The following JAKMIP1 variants were observed in gnomAD, a reference collection of about 807,000 sequenced individuals.
JAKMIP1 encodes janus kinase and microtubule interacting protein 1, also known as janus kinase and microtubule-interacting protein 1.
A neutral mutation model predicts 113.0 loss-of-function variants in JAKMIP1; 33 were observed. The ratio of observed to expected loss-of-function variants is 0.29; its 90% CI spans 0.22 to 0.39. The LOEUF is 0.39. Among genes scored for constraint, JAKMIP1 ranks in the 10% least tolerant of loss-of-function variants. The pLI is 1.00. For missense variants in JAKMIP1, 813 were observed against 1,080.5 expected (o/e 0.75, Z 3.47); for synonymous variants, 480 against 459.9 (o/e 1.04, Z -0.56).
rs560201908 is a variant in JAKMIP1 at position 6,085,318 on chromosome 4, G to C, written c.834+102C>G. On this transcript the variant is annotated intron_variant, in intron 4 of 20. Coordinates refer to ENST00000409021, the MANE Select transcript of JAKMIP1 (RefSeq NM_001099433.2). ...CAATACTGAGTGAATGAATGAATGAGTGAATACATGCCACCTCAGAGTCCT... is the reference window on the plus strand; with the variant it reads ...CAATACTGAGTGAATGAATGAATGACTGAATACATGCCACCTCAGAGTCCT... The C allele has an allele frequency of 9.0e-5, 88 of 974,096 alleles. No individual in the cohort carries two copies. The African/African-American group carries it at 1.3e-3, about 14-fold the overall frequency. The allele number at this position is 974,096 out of a possible 1,614,324, so 60.3% of individuals were successfully genotyped here.
chr4:6,191,559 A>C (rs1241837798), intron 1 of JAKMIP1, among the ~76,000 whole-genome samples: 1 of 152,224 alleles, frequency 6.6e-6, no homozygotes, highest in Non-Finnish European at 1.5e-5. Flanking sequence ...TCTTGTTTAC[A>C]GAGGAGGAAA....
chr4:6,045,495 A>G (rs1424911921), intron 16 of JAKMIP1, among the ~76,000 whole-genome samples: 1 of 152,174 alleles, frequency 6.6e-6, no homozygotes, highest in African/African-American at 2.4e-5. Flanking sequence ...GCATGTGCCC[A>G]GGGCAAGATG....
In JAKMIP1 at chr4:6,166,765, G is replaced by A. The variant is rs75428391; in HGVS notation, c.-148+33488C>T. ...TCTGTGGCAGCTGCAGGGGTGCTGC[G>A]CACTTTCGCTCAAATGGCCACAGGG... On this transcript the variant is annotated intron_variant, in intron 1 of 20. Transcript: ENST00000409021. 4.6e-4 allele frequency among the ~76,000 whole-genome samples: 70 copies of A among 152,284 alleles called. 1 individual carries two copies. The East Asian group carries it at 0.012, about 26-fold the overall frequency.
Position 6,070,924 on chromosome 4 carries a change from G to A in JAKMIP1, c.1303-5916C>T, listed in dbSNP as rs368688381. On this transcript the variant is annotated intron_variant, in intron 8 of 20. Coordinates refer to ENST00000409021, the MANE Select transcript of JAKMIP1 (RefSeq NM_001099433.2). The stretch of plus-strand genomic sequence containing the variant: ...AGAGTCTTCCATCTCTCGGAGAAGC[G>A]TCACCAGACATAATATCAAAAGCAA... Among the ~76,000 whole-genome samples the A allele has an allele frequency of 4.2e-4, 64 of 152,242 alleles. No homozygotes were observed. In the South Asian group the frequency reaches 0.012, roughly 28 times the overall value.
chr4:6,065,542 T>C lies in JAKMIP1; in HGVS notation c.1303-534A>G, dbSNP rs1717942627. 6.6e-6 allele frequency among the ~76,000 whole-genome samples: 1 copy of C among 152,216 alleles called. No individual in the cohort carries two copies. Among genetic ancestry groups the C allele is most frequent in the African/African-American group, 2.4e-5 (1 of 41,450 alleles). On this transcript the variant is annotated intron_variant, in intron 8 of 20. Coordinates refer to ENST00000409021, the MANE Select transcript of JAKMIP1 (RefSeq NM_001099433.2). The surrounding 1 kb of genome is among the most constrained non-coding windows in gnomAD (Gnocchi z 5.1). ...GGAGTGGAGAGCCCAGCCATAGTCCTAGTACTCTGACTAGTGTGGCAAATG... is the reference window on the plus strand; with the variant it reads ...GGAGTGGAGAGCCCAGCCATAGTCCCAGTACTCTGACTAGTGTGGCAAATG...
intron 1 of JAKMIP1, among the ~76,000 whole-genome samples, chr4:6,159,289 T>TAA (rs35263959): frequency 0.19 from 28,831 of 149,560 alleles, 3,081 homozygotes; most frequent in Non-Finnish European, 0.24. Flanking sequence ...ACAAATCTGC[T>TAA]AAAAAAAAAA....
intron 1 of JAKMIP1, among the ~76,000 whole-genome samples, chr4:6,172,495 C>T (rs544560519): frequency 1.3e-5 from 2 of 152,160 alleles, no homozygotes; most frequent in Admixed American, 6.5e-5. Context: ...AGAACCCCAG[C>T]CTGTTCTGAC....
intron 3 of JAKMIP1, among the ~76,000 whole-genome samples, chr4:6,098,564 A>AAGAAAGAAAGAAAGAAAGAAAG (rs1242469810): frequency 4.6e-3 from 103 of 22,350 alleles, no homozygotes; most frequent in Non-Finnish European, 0.01. Context: ...GAAAGAAAGA[A>AAGAAAGAAAGAAAGAAAGAAAG]AGAAAGAAAG....
intron 3 of JAKMIP1, among the ~76,000 whole-genome samples, chr4:6,092,129 G>A (rs1224202611): frequency 2.0e-5 from 3 of 152,124 alleles, no homozygotes; most frequent in African/African-American, 7.2e-5. Context: ...TTCTACCCCA[G>A]CAACACCCTC....
At chr4:6,134,254 T>C (rs2108943799) in intron 1 of JAKMIP1, among the ~76,000 whole-genome samples, 1 of 152,340 alleles carries the variant, frequency 6.6e-6, no homozygotes, top group South Asian at 2.1e-4. Context: ...GATTGTAAGT[T>C]TCCTGAGGCC....
At chr4:6,028,278 C>G (rs1712123230) in intron 20 of JAKMIP1, among the ~76,000 whole-genome samples, 1 of 152,244 alleles carries the variant, frequency 6.6e-6, no homozygotes, top group Admixed American at 6.5e-5. Context: ...GCGTGGGCAT[C>G]TGGCAGACGG....
intron 11 of JAKMIP1, 21 bp from the exon 12 acceptor site, chr4:6,056,780 T>C (rs1254331299): frequency 6.4e-7 from 1 of 1,559,820 alleles, no homozygotes; most frequent in Non-Finnish European, 8.8e-7. Flanking sequence ...GTACTAAATA[T>C]GGTCACATTC....
chr4:6,146,461 A>T (rs930587315), intron 1 of JAKMIP1, among the ~76,000 whole-genome samples: 5 of 151,852 alleles, frequency 3.3e-5, no homozygotes, highest in Non-Finnish European at 1.5e-5. Context: ...CTCCCAGCTA[A>T]TTTTTTATTT....
rs1271792346 is a variant in JAKMIP1 at position 6,094,494 on chromosome 4, C to T, written c.625-8865G>A. On this transcript the variant is annotated intron_variant, in intron 3 of 20. Transcript: ENST00000409021. This position sits in a 1 kb window ranked among gnomAD's most constrained non-coding sequence, Gnocchi z 4.2. The stretch of plus-strand genomic sequence containing the variant: ...GGGAGTAAACAAACCTACCAACCTC[C>T]GGGGCCCCTGGGGTCTCAGGAACTG... 6.6e-6 allele frequency among the ~76,000 whole-genome samples: 1 copy of T among 152,126 alleles called. No individual in the cohort carries two copies. The highest frequency in any genetic ancestry group is 1.9e-4 in the East Asian group (1 of 5,156).
Position 6,168,020 on chromosome 4 carries a change from C to G in JAKMIP1, c.-148+32233G>C, listed in dbSNP as rs937733234. On this transcript the variant is annotated intron_variant, in intron 1 of 20. Transcript: ENST00000409021. The surrounding 1 kb of genome is among the most constrained non-coding windows in gnomAD (Gnocchi z 4.6). ...TCAACAGGGAAGACACACAAATGGC[C>G]AAGGAGCACCTGAAGAGACGCTCAA... 1.3e-5 allele frequency among the ~76,000 whole-genome samples: 2 copies of G among 152,108 alleles called. No homozygotes were observed. Among genetic ancestry groups the G allele is most frequent in the African/African-American group, 2.4e-5 (1 of 41,434 alleles).
At chr4:6,175,175 C>T (rs1725193920) in intron 1 of JAKMIP1, among the ~76,000 whole-genome samples, 1 of 152,086 alleles carries the variant, frequency 6.6e-6, no homozygotes, top group African/African-American at 2.4e-5. Flanking sequence ...CACTGACACG[C>T]AGGCAAGTGA....
chr4:6,137,576 G>A lies in JAKMIP1; in HGVS notation c.-147-24579C>T, dbSNP rs558434331. Among the ~76,000 whole-genome samples, 2 of 152,312 alleles carry A rather than the reference G, an allele frequency of 1.3e-5. No homozygotes were observed. Among genetic ancestry groups the A allele is most frequent in the Admixed American group, 6.5e-5 (1 of 15,308 alleles). ...TTCCAGATGGCCTCACTCGAGAGAC[G>A]CTCTTTTTCAGCCAATCCACACTCT... On this transcript the variant is annotated intron_variant, in intron 1 of 20. Coordinates refer to ENST00000409021, the MANE Select transcript of JAKMIP1 (RefSeq NM_001099433.2). This position sits in a 1 kb window ranked among gnomAD's most constrained non-coding sequence, Gnocchi z 4.5.
chr4:6,038,495 C>T (rs879862212), intron 18 of JAKMIP1, among the ~76,000 whole-genome samples: 21 of 149,802 alleles, frequency 1.4e-4, no homozygotes, highest in Non-Finnish European at 2.6e-4. Context: ...AACCCAGTAG[C>T]CCTCCATCAC....
chr4:6,052,792 G>A (rs187863798), intron 13 of JAKMIP1, among the ~76,000 whole-genome samples: 1 of 152,058 alleles, frequency 6.6e-6, no homozygotes, highest in Non-Finnish European at 1.5e-5. Context: ...ATTTGTGAAA[G>A]GTTCTCTAAC....
Sources: allele counts gnomAD v4.1 joint callset (sites outside exome capture counted in the v4.1 genomes callset), GRCh38; gene constraint gnomAD v4.1.1; non-coding constraint Gnocchi (gnomAD v3.1); transcripts MANE v1.5; gene names NCBI Gene and HGNC (gene_info 2026-07-23, HGNC 2026-07-21).